Variants in PRKAR2B observed in about 807,000 individuals in gnomAD.
The protein encoded by PRKAR2B is cAMP-dependent protein kinase type II-beta regulatory subunit.
PRKAR2B carries 14 observed loss-of-function variants against 49.9 expected under a neutral mutation model. The ratio of observed to expected loss-of-function variants is 0.28; its 90% CI spans 0.19 to 0.44. PRKAR2B has a LOEUF of 0.44. Ranked by LOEUF, PRKAR2B falls within the 20% of genes least tolerant of loss-of-function variation. The pLI is 1.00. For missense variants in PRKAR2B, 393 were observed against 537.9 expected, an observed-to-expected ratio of 0.73 and a Z score of 2.67; for synonymous variants, 196 against 197.7, an observed-to-expected ratio of 0.99 and a Z score of 0.07.
chr7:107,051,624 C>T (rs886431185), intron 1 of PRKAR2B, among the ~76,000 whole-genome samples: 1 of 152,062 alleles, frequency 6.6e-6, no homozygotes, highest in Non-Finnish European at 1.5e-5. Context: ...ATTTTCAGGT[C>T]ATGGCTTACA....
intron 2 of PRKAR2B, among the ~76,000 whole-genome samples, chr7:107,116,095 A>G (rs559603771): frequency 3.9e-5 from 6 of 152,350 alleles, no homozygotes; most frequent in African/African-American, 1.4e-4. Flanking sequence ...TGACATATGC[A>G]GTATGCAATT....
chr7:107,160,246 TA>T lies in PRKAR2B; in HGVS notation c.*666del, dbSNP rs1429768642. On this transcript the variant is annotated 3_prime_UTR_variant, in exon 11 of 11. Transcript: ENST00000265717. ...ACAGGCAATTTAGTCATTATGATAATAAGGAAAACAGTGTTTTAGATGAGAG... is the reference window on the plus strand; with the variant it reads ...ACAGGCAATTTAGTCATTATGATAATAGGAAAACAGTGTTTTAGATGAGAG... The T allele has an allele frequency of 6.6e-6, 1 of 152,644 alleles. No individual in the cohort carries two copies. Among genetic ancestry groups the T allele is most frequent in the African/African-American group, 2.4e-5 (1 of 41,458 alleles). The allele number at this position is 152,644 out of a possible 1,614,324, so 9.5% of individuals were successfully genotyped here.
chr7:107,137,910 G>A (rs532552167), intron 4 of PRKAR2B, among the ~76,000 whole-genome samples: 2 of 151,570 alleles, frequency 1.3e-5, no homozygotes, highest in African/African-American at 4.8e-5. Context: ...TCATCCTAGT[G>A]TGGGGATTTA....
intron 2 of PRKAR2B, chr7:107,091,821 A>G (rs1794736854): frequency 6.6e-6 from 1 of 152,172 alleles, no homozygotes; most frequent in Admixed American, 6.5e-5. Context: ...TTTTTGCCTC[A>G]TATGTTGTTT....
chr7:107,129,623 G>A (rs1288953089), intron 4 of PRKAR2B, among the ~76,000 whole-genome samples: 1 of 152,080 alleles, frequency 6.6e-6, no homozygotes, highest in Non-Finnish European at 1.5e-5. Context: ...ATGAATTCAG[G>A]GTGAGTCTGT....
In PRKAR2B at chr7:107,160,075, A is replaced by G. The variant is rs1051712009; in HGVS notation, c.*493A>G. The G allele has an allele frequency of 1.3e-5, 2 of 152,956 alleles. No individual in the cohort carries two copies. The highest frequency in any genetic ancestry group is 2.4e-5 in the African/African-American group (1 of 41,470). 9.5% of individuals were successfully genotyped at this position (152,956 alleles called of 1,614,324 possible). ...TTTTGTTTTAAAGTTTTCTAGCTTG[A>G]TAAGTTATGTGCTGGCCTTGGCCTA... On this transcript the variant is annotated 3_prime_UTR_variant, in exon 11 of 11. Coordinates refer to ENST00000265717, the MANE Select transcript of PRKAR2B (RefSeq NM_002736.3).
Position 107,045,093 on chromosome 7 carries a change from C to T in PRKAR2B, c.186C>T (p.Gly62=), listed in dbSNP as rs1299863227. 1 of 1,531,516 alleles carries T rather than the reference C, an allele frequency of 6.5e-7. No homozygotes were observed. Among genetic ancestry groups the T allele is most frequent in the East Asian group, 2.5e-5 (1 of 40,782 alleles). 94.9% of individuals were successfully genotyped at this position (1,531,516 alleles called of 1,614,324 possible). A position where few individuals can be genotyped will look rare whatever the true frequency, so the allele number is the denominator to read the frequency against. ...GHEGRTWGDL[G]AAAGGGTPSK... ...AGGGCAGGACCTGGGGGGACCTGGGCGCCGCTGCCGGGGGCGGCACCCCCA... is the reference window on the plus strand; with the variant it reads ...AGGGCAGGACCTGGGGGGACCTGGGTGCCGCTGCCGGGGGCGGCACCCCCA... Residue 62 remains glycine (G), a synonymous_variant, in exon 1 of 11, where the codon GGC becomes GGT. Transcript: ENST00000265717.
chr7:107,106,956 A>G (rs1042457110), intron 2 of PRKAR2B, among the ~76,000 whole-genome samples: 1 of 152,324 alleles, frequency 6.6e-6, no homozygotes, highest in East Asian at 1.9e-4. Context: ...ATAAAATGCC[A>G]TAAAAGCCTG....
intron 1 of PRKAR2B, chr7:107,068,861 T>A (rs1794205984): frequency 6.6e-6 from 1 of 152,232 alleles, no homozygotes; most frequent in Non-Finnish European, 1.5e-5. Flanking sequence ...GAAGAGTGAC[T>A]GTGTGATCTA....
intron 7 of PRKAR2B, among the ~76,000 whole-genome samples, chr7:107,151,809 G>T (rs1795993548): frequency 6.6e-6 from 1 of 152,198 alleles, no homozygotes; most frequent in Non-Finnish European, 1.5e-5. Context: ...CCTGGGAGAA[G>T]ATCGAAACTC....
chr7:107,049,926 G>A (rs1323906515), intron 1 of PRKAR2B, among the ~76,000 whole-genome samples: 1 of 152,070 alleles, frequency 6.6e-6, no homozygotes, highest in Non-Finnish European at 1.5e-5. Context: ...TTAGTTATGA[G>A]CATAAAACAA....
intron 4 of PRKAR2B, among the ~76,000 whole-genome samples, chr7:107,139,732 A>G (rs1317210404): frequency 1.3e-5 from 2 of 152,224 alleles, no homozygotes; most frequent in Non-Finnish European, 2.9e-5. Context: ...TTGTAGATTC[A>G]TATCTTCATA....
chr7:107,065,542 G>A (rs1043123111), intron 1 of PRKAR2B, among the ~76,000 whole-genome samples: 1 of 152,072 alleles, frequency 6.6e-6, no homozygotes, highest in African/African-American at 2.4e-5. Flanking sequence ...TTCACCTGCG[G>A]TATTTCTAAA....
chr7:107,044,848 T>C lies in PRKAR2B; in HGVS notation c.-60T>C. The C allele has an allele frequency of 2.0e-6, 3 of 1,473,456 alleles. No individual in the cohort carries two copies. Among genetic ancestry groups the C allele is most frequent in the Non-Finnish European group, 1.8e-6 (2 of 1,105,764 alleles). The allele number at this position is 1,473,456 out of a possible 1,614,324, so 91.3% of individuals were successfully genotyped here. A position where few individuals can be genotyped will look rare whatever the true frequency, so the allele number is the denominator to read the frequency against. On this transcript the variant is annotated 5_prime_UTR_variant, in exon 1 of 11. Transcript: ENST00000265717. ...CGCTCGCTCGGCAGCCGCGGGGCCC[T>C]AGGCCGTGCCGGGGAGGGGGCGAGG...
chr7:107,127,701 C>G (rs527831692), intron 3 of PRKAR2B, among the ~76,000 whole-genome samples: 1 of 152,236 alleles, frequency 6.6e-6, no homozygotes, highest in African/African-American at 2.4e-5. Flanking sequence ...AAAATATATT[C>G]GGCATCTAAT....
At chr7:107,079,336 C>T (rs1257016451) in intron 2 of PRKAR2B, 1 of 152,000 alleles carries the variant, frequency 6.6e-6, no homozygotes, top group African/African-American at 2.4e-5. Flanking sequence ...TGCAGATTGC[C>T]ATGGCTTAGG....
rs1036319847 is a variant in PRKAR2B, at chr7:107,156,959, CTGTTTT to C, written c.919-20_919-15del. ...GTCAATTAATTTGCATTTTCACCGTCTGTTTTTGTTATTGATTCCAATAGGGAGATT... is the reference window on the plus strand; with the variant it reads ...GTCAATTAATTTGCATTTTCACCGTCTGTTATTGATTCCAATAGGGAGATT... On this transcript the variant is annotated intron_variant, in intron 8 of 10. Transcript: ENST00000265717. The C allele has an allele frequency of 7.0e-6, 11 of 1,578,228 alleles. No homozygotes were observed. In the Admixed American group the frequency reaches 1.5e-4, roughly 22 times the overall value.
intron 2 of PRKAR2B, among the ~76,000 whole-genome samples, chr7:107,074,855 G>C (rs1794364998): frequency 6.6e-6 from 1 of 151,964 alleles, no homozygotes; most frequent in African/African-American, 2.4e-5. Flanking sequence ...TAGCAGCTCA[G>C]TAAATATTTT....
chr7:107,122,762 G>C (rs926492870), intron 3 of PRKAR2B, among the ~76,000 whole-genome samples: 2 of 152,116 alleles, frequency 1.3e-5, no homozygotes, highest in Non-Finnish European at 2.9e-5. Context: ...CAGCTACTAC[G>C]TCCCTAAGTC....
Sources: gnomAD v4.1 joint callset for allele counts (sites outside exome capture counted in the v4.1 genomes callset) on GRCh38, gnomAD v4.1.1 for gene constraint, MANE v1.5 for transcripts, NCBI Gene and HGNC (gene_info 2026-07-23, HGNC 2026-07-21) for gene names.